Variants in PEPD observed in about 807,000 individuals in gnomAD.
The protein encoded by PEPD is peptidase D.
Under a neutral mutation model 60.7 loss-of-function variants are expected in PEPD, and 53 were observed. The ratio of observed to expected loss-of-function variants is 0.87; its 90% CI spans 0.70 to 1.10. The LOEUF is 1.10. Among genes scored for constraint, PEPD ranks in the 50% least tolerant of loss-of-function variants. The pLI is 0.00. For synonymous variants in PEPD, 267 were observed against 284.1 expected, an observed-to-expected ratio of 0.94 and a Z score of 0.60; for missense variants, 711 against 711.9, an observed-to-expected ratio of 1.00 and a Z score of 0.01.
chr19:33,479,190 C>G (rs1970272309), intron 6 of PEPD, among the ~76,000 whole-genome samples: 1 of 150,538 alleles, frequency 6.6e-6, no homozygotes, highest in African/African-American at 2.4e-5. Context: ...ATTAAGAAAA[C>G]AGCTAAAACA....
At chr19:33,498,321 G>A (rs115714184) in intron 4 of PEPD, among the ~76,000 whole-genome samples, 5,803 of 152,186 alleles carry the variant, frequency 0.038, 244 homozygotes, top group African/African-American at 0.099. Context: ...CTTTGTATAC[G>A]AAGACGAAGA....
At chr19:33,395,666 A>G (rs928107346) in intron 12 of PEPD, among the ~76,000 whole-genome samples, 1 of 152,180 alleles carries the variant, frequency 6.6e-6, no homozygotes, top group Non-Finnish European at 1.5e-5. Flanking sequence ...CATCCATCAC[A>G]GCCCCGAGGC....
chr19:33,430,481 A>C (rs1969245817), intron 9 of PEPD, among the ~76,000 whole-genome samples: 1 of 152,086 alleles, frequency 6.6e-6, no homozygotes, highest in South Asian at 2.1e-4. Context: ...AACTCTGCCC[A>C]GTGTGAGCCC....
chr19:33,441,620 T>G (rs1969481944), intron 9 of PEPD, among the ~76,000 whole-genome samples: 1 of 152,174 alleles, frequency 6.6e-6, no homozygotes, highest in Non-Finnish European at 1.5e-5. Flanking sequence ...TATGAGCGCC[T>G]GCTGTATGCC....
intron 10 of PEPD, among the ~76,000 whole-genome samples, chr19:33,413,365 T>A (rs922007062): frequency 6.6e-6 from 1 of 152,148 alleles, no homozygotes. Context: ...GCTCCCTCCT[T>A]CACCCAGTGC....
intron 1 of PEPD, among the ~76,000 whole-genome samples, chr19:33,521,354 G>T (rs1399972438): frequency 6.6e-6 from 1 of 152,220 alleles, no homozygotes; most frequent in Non-Finnish European, 1.5e-5. Flanking sequence ...TGGGAAAAGG[G>T]AATTCCAAGT....
intron 9 of PEPD, among the ~76,000 whole-genome samples, chr19:33,423,389 G>A (rs780223057): frequency 1.3e-5 from 2 of 152,126 alleles, no homozygotes; most frequent in Non-Finnish European, 2.9e-5. Flanking sequence ...CACTGTCCTC[G>A]GGCTAAATTC....
intron 3 of PEPD, among the ~76,000 whole-genome samples, chr19:33,510,173 A>G (rs989545474): frequency 1.3e-5 from 2 of 152,264 alleles, no homozygotes; most frequent in African/African-American, 4.8e-5. Flanking sequence ...CTGCACTTCT[A>G]AACAAACAAG....
chr19:33,413,887 T>A (rs901603529), intron 9 of PEPD, among the ~76,000 whole-genome samples: 1 of 152,242 alleles, frequency 6.6e-6, no homozygotes, highest in Non-Finnish European at 1.5e-5. Flanking sequence ...CGCAGCCACC[T>A]GCCAGAGGAG....
In PEPD at chr19:33,489,997, T is replaced by G. The variant is rs1195776209; in HGVS notation, c.502A>C (p.Lys168Gln). 6.2e-7 allele frequency: 1 copy of G among 1,601,454 alleles called. No homozygotes were observed. The highest frequency in any genetic ancestry group is 1.1e-5 in the South Asian group (1 of 89,492). ...CREASFDGIS[K>Q]FEVNNTILHP... ...AGTCCCTGGGGGCCCAGGACTCACT[T>G]GCTGATGCCGTCAAAGGAGGCCTCC... The change falls in exon 6 of 15, where the codon AAG becomes CAG. Residue 168 changes from lysine (K) to glutamine (Q), a missense_variant and splice_region_variant. By Grantham distance (53) the Lys-to-Gln change is moderately conservative. Transcript: ENST00000244137.
At chr19:33,445,928 T>C (rs371903658) in intron 9 of PEPD, among the ~76,000 whole-genome samples, 1 of 152,114 alleles carries the variant, frequency 6.6e-6, no homozygotes, top group South Asian at 2.1e-4. Context: ...GCCTGAATTA[T>C]TCCCCGTGGC....
intron 9 of PEPD, among the ~76,000 whole-genome samples, chr19:33,421,160 CT>C (rs1404144964): frequency 2.0e-5 from 3 of 152,174 alleles, no homozygotes; most frequent in Non-Finnish European, 4.4e-5. Context: ...GCCATGAGTT[CT>C]TGTACAGTCT....
At chr19:33,514,382 AC>A (rs1970988434) in intron 1 of PEPD, among the ~76,000 whole-genome samples, 1 of 151,402 alleles carries the variant, frequency 6.6e-6, no homozygotes, top group African/African-American at 2.4e-5. Flanking sequence ...AGAGGCCCTG[AC>A]CCTCCTGCCA....
chr19:33,517,190 T>G (rs981659940), intron 1 of PEPD, among the ~76,000 whole-genome samples: 1 of 151,160 alleles, frequency 6.6e-6, no homozygotes, highest in Admixed American at 6.6e-5. Context: ...CAAATTTATG[T>G]AACATTTTGA....
At chr19:33,479,149 G>A (rs1030164732) in intron 6 of PEPD, among the ~76,000 whole-genome samples, 3 of 151,898 alleles carry the variant, frequency 2.0e-5, no homozygotes, top group African/African-American at 7.3e-5. Context: ...AGATTTTCAA[G>A]TTTAAGTAGT....
chr19:33,482,478 A>G (rs1970327684), intron 6 of PEPD, among the ~76,000 whole-genome samples: 1 of 152,250 alleles, frequency 6.6e-6, no homozygotes, highest in African/African-American at 2.4e-5. Flanking sequence ...AACTCCCTCA[A>G]CTAACATCAT....
chr19:33,453,708 G>A (rs1322739882), intron 9 of PEPD, among the ~76,000 whole-genome samples: 1 of 152,226 alleles, frequency 6.6e-6, no homozygotes, highest in Non-Finnish European at 1.5e-5. Context: ...TGGAGCTGAA[G>A]CCGCAATATC....
At chr19:33,390,869 C>T (rs1054357238) in intron 13 of PEPD, among the ~76,000 whole-genome samples, 36 of 152,228 alleles carry the variant, frequency 2.4e-4, no homozygotes, top group African/African-American at 7.9e-4. Context: ...CAGGGTGAGT[C>T]GCCAGTGGGT....
intron 6 of PEPD, among the ~76,000 whole-genome samples, chr19:33,479,834 T>C (rs777070235): frequency 2.0e-5 from 3 of 152,230 alleles, no homozygotes; most frequent in Non-Finnish European, 4.4e-5. Context: ...GATGGGCATT[T>C]AGGTTGATTC....
Sources: allele counts gnomAD v4.1 joint callset (sites outside exome capture counted in the v4.1 genomes callset), GRCh38; gene constraint gnomAD v4.1.1; transcripts MANE v1.5; gene names NCBI Gene and HGNC (gene_info 2026-07-23, HGNC 2026-07-21).